Variants in PRKDC observed in about 807,000 individuals in gnomAD.
PRKDC encodes protein kinase, DNA-activated, catalytic subunit.
A neutral mutation model predicts 486.9 loss-of-function variants in PRKDC; 82 were observed. The ratio of observed to expected loss-of-function variants is 0.17; its 90% CI spans 0.14 to 0.20. The LOEUF (loss-of-function observed/expected upper bound fraction) is 0.20. Ranked by LOEUF, PRKDC falls within the 10% of genes least tolerant of loss-of-function variation. The pLI is 1.00. For missense variants in PRKDC, 4,504 were observed against 5,038.2 expected, an observed-to-expected ratio of 0.89 and a Z score of 3.21; for synonymous variants, 1,895 against 1,837.0, an observed-to-expected ratio of 1.03 and a Z score of -0.81.
Position 47,933,159 on chromosome 8 carries a change from G to A in PRKDC, c.1637C>T (p.Ala546Val). The part of the protein sequence containing the change: ...SSDQMMDSIL[A>V]DEAFFSVNSS... ...ATTCACAGAGAAAAATGCTTCATCT[G>A]CTAAAATAGAATCCTTTAAATAAAG... Residue 546 changes from alanine to valine, a missense_variant, in exon 16 of 86, where the codon GCA becomes GTA. Physicochemically the swap from Ala to Val is moderately conservative, Grantham distance 64. Transcript: ENST00000314191. The A allele has an allele frequency of 6.6e-7, 1 of 1,521,970 alleles. No individual in the cohort carries two copies. Among genetic ancestry groups the A allele is most frequent in the Non-Finnish European group, 8.8e-7 (1 of 1,137,270 alleles). 94.3% of individuals were successfully genotyped at this position (1,521,970 alleles called of 1,614,324 possible). A position where few individuals can be genotyped will look rare whatever the true frequency, so the allele number is the denominator to read the frequency against.
At chr8:47,941,068 T>C (rs2154504023) in intron 10 of PRKDC, among the ~76,000 whole-genome samples, 1 of 150,596 alleles carries the variant, frequency 6.6e-6, no homozygotes. Flanking sequence ...AGGCAGAGGT[T>C]GCAGTAACCC....
At chr8:47,852,168 T>C (rs1250237896) in intron 52 of PRKDC, among the ~76,000 whole-genome samples, 1 of 152,186 alleles carries the variant, frequency 6.6e-6, no homozygotes, top group Non-Finnish European at 1.5e-5. Context: ...TCAGTCCTCT[T>C]ATCTGAACAG....
intron 21 of PRKDC, among the ~76,000 whole-genome samples, chr8:47,920,906 C>G (rs1465365527): frequency 2.0e-5 from 3 of 152,110 alleles, no homozygotes; most frequent in African/African-American, 7.2e-5. Context: ...ATCACCACAT[C>G]CATCTCCAGA....
At chr8:47,889,523 T>C (rs1007958499) in intron 32 of PRKDC, among the ~76,000 whole-genome samples, 1 of 152,188 alleles carries the variant, frequency 6.6e-6, no homozygotes, top group Admixed American at 6.5e-5. Context: ...ATGGACAGGG[T>C]TTCCCCGCCC....
At position 47,905,092 on chromosome 8, in the gene PRKDC, G is replaced by A. The variant is rs186062687; in HGVS notation, c.2935-116C>T. The A allele has an allele frequency of 2.2e-5, 15 of 689,988 alleles. No individual in the cohort carries two copies. The East Asian group carries it at 4.3e-4, about 20-fold the overall frequency. The allele number at this position is 689,988 out of a possible 1,614,324, so 42.7% of individuals were successfully genotyped here. ...AAAATTAAGTAATACTACTACCATG[G>A]TTGTATTAGTTTCCTTTTTTAGTTC... On this transcript the variant is annotated intron_variant, in intron 25 of 85. Transcript: ENST00000314191.
At position 47,864,614 on chromosome 8, in the gene PRKDC, T is replaced by A; in HGVS notation, c.5513A>T (p.Glu1838Val). 1 of 1,610,228 alleles carries A rather than the reference T, an allele frequency of 6.2e-7. No homozygotes were observed. Among genetic ancestry groups the A allele is most frequent in the South Asian group, 1.1e-5 (1 of 90,204 alleles). Residue 1838 changes from glutamate (E) to valine (V), a missense_variant, in exon 41 of 86, where the codon GAA (glutamate) becomes GTA (valine). Coordinates refer to ENST00000314191, the MANE Select transcript of PRKDC (RefSeq NM_006904.7). ...LWHCSLDALR[E>V]FFSTIVVDAI... ...ATCCACCACAATTGTGCTGAAGAAT[T>A]CTCTCAAAGCATCCAGGCTACAGTG...
intron 69 of PRKDC, among the ~76,000 whole-genome samples, chr8:47,804,179 TTG>T (rs2087169154): frequency 6.6e-6 from 1 of 152,202 alleles, no homozygotes; most frequent in South Asian, 2.1e-4. Context: ...AGTGGTGATT[TTG>T]TGTCTCGCAT....
chr8:47,849,569 G>C, intron 52 of PRKDC, 66 bp from the exon 53 acceptor site: 1 of 1,544,712 alleles, frequency 6.5e-7, no homozygotes, highest in Non-Finnish European at 8.8e-7. Flanking sequence ...TGAAAGCAAA[G>C]TTTATCTTGA....
intron 71 of PRKDC, among the ~76,000 whole-genome samples, chr8:47,800,002 T>C (rs1329675421): frequency 6.6e-6 from 1 of 152,208 alleles, no homozygotes; most frequent in Non-Finnish European, 1.5e-5. Flanking sequence ...TTAAAATTCA[T>C]GATTTTTAAT....
chr8:47,952,265 C>T (rs1430190510), intron 7 of PRKDC, among the ~76,000 whole-genome samples: 1 of 152,046 alleles, frequency 6.6e-6, no homozygotes, highest in Non-Finnish European at 1.5e-5. Context: ...TAAATACACA[C>T]AGGAATATGA....
intron 16 of PRKDC, among the ~76,000 whole-genome samples, chr8:47,932,232 C>T (rs1208661895): frequency 3.9e-5 from 6 of 152,108 alleles, no homozygotes; most frequent in African/African-American, 9.7e-5. Context: ...TACAGGCGCC[C>T]GCCACCATGC....
At chr8:47,952,831 C>T (rs1179954942) in intron 7 of PRKDC, among the ~76,000 whole-genome samples, 1 of 151,604 alleles carries the variant, frequency 6.6e-6, no homozygotes, top group Non-Finnish European at 1.5e-5. Flanking sequence ...TGGTGAAACC[C>T]CATCTCTACT....
chr8:47,821,912 G>C, intron 64 of PRKDC, 120 bp from the exon 65 acceptor site: 1 of 969,156 alleles, frequency 1.0e-6, no homozygotes. Flanking sequence ...TTTACGGAAA[G>C]GAGAGAGAAA....
chr8:47,960,130 G>T lies in PRKDC; in HGVS notation c.-4C>A. On this transcript the variant is annotated 5_prime_UTR_variant, in exon 1 of 86. Coordinates refer to ENST00000314191, the MANE Select transcript of PRKDC (RefSeq NM_006904.7). Reference sequence around the variant, plus strand: ...CACCGGCTCCGGAGCCCGCCATGCCGCCGAGTCCCGCTCCCGCGCGTGCGC... The same window carrying T: ...CACCGGCTCCGGAGCCCGCCATGCCTCCGAGTCCCGCTCCCGCGCGTGCGC... The T allele has an allele frequency of 1.3e-6, 2 of 1,483,028 alleles. No individual in the cohort carries two copies. Among genetic ancestry groups the T allele is most frequent in the Non-Finnish European group, 1.8e-6 (2 of 1,118,146 alleles). 91.9% of individuals were successfully genotyped at this position (1,483,028 alleles called of 1,614,324 possible). A position where few individuals can be genotyped will look rare whatever the true frequency, so the allele number is the denominator to read the frequency against.
chr8:47,877,863 A>T lies in PRKDC; in HGVS notation c.5236-12T>A. 1 of 1,433,066 alleles carries T rather than the reference A, an allele frequency of 7.0e-7. No individual in the cohort carries two copies. The highest frequency in any genetic ancestry group is 9.2e-7 in the Non-Finnish European group (1 of 1,083,368). The allele number at this position is 1,433,066 out of a possible 1,614,324, so 88.8% of individuals were successfully genotyped here. ...AATGCATCTAGAAACTAGAAAAAAT[A>T]CATCAACATCATTAAAATTTTGTTG... On this transcript the variant is annotated splice_polypyrimidine_tract_variant and intron_variant, in intron 39 of 85. Transcript: ENST00000314191.
chr8:47,819,657 A>G, intron 66 of PRKDC, 147 bp from the exon 67 acceptor site: 2 of 433,578 alleles, frequency 4.6e-6, no homozygotes, highest in Non-Finnish European at 8.0e-6. Context: ...TAATAATTAG[A>G]TCACAGACAG....
chr8:47,834,395 A>T lies in PRKDC; in HGVS notation c.7953T>A (p.Asp2651Glu). The T allele has an allele frequency of 6.2e-7, 1 of 1,612,994 alleles. No individual in the cohort carries two copies. Among genetic ancestry groups the T allele is most frequent in the Non-Finnish European group, 8.5e-7 (1 of 1,179,712 alleles). ...QHDFTLTQTA[D>E]GRSSFDWLTG... The stretch of plus-strand genomic sequence containing the variant: ...TCAGCCAATCAAATGAGCTTCTTCC[A>T]TCTGTGACATGCAATCAGAGAGGTC... Residue 2651 changes from aspartate (D) to glutamate (E), a missense_variant and splice_region_variant, in exon 59 of 86, where the codon GAT becomes GAA. Asp to Glu is a conservative substitution (Grantham distance 45, BLOSUM62 2). This residue lies in a region of PRKDC where 1,592 missense variants were observed against 1,724.6 expected (regional missense o/e 0.92). Coordinates refer to ENST00000314191, the MANE Select transcript of PRKDC (RefSeq NM_006904.7).
intron 21 of PRKDC, among the ~76,000 whole-genome samples, chr8:47,922,922 A>G (rs921149791): frequency 4.6e-4 from 70 of 152,192 alleles, no homozygotes; most frequent in African/African-American, 1.6e-3. Flanking sequence ...ACATTAACAC[A>G]GGACAAATCT....
At chr8:47,959,099 C>A (rs1485283839) in intron 1 of PRKDC, 1 of 152,120 alleles carries the variant, frequency 6.6e-6, no homozygotes, top group Non-Finnish European at 1.5e-5. Context: ...CTAGACCCTC[C>A]GGAAGAAAAT....
Sources: gnomAD v4.1 joint callset for allele counts (sites outside exome capture counted in the v4.1 genomes callset) on GRCh38, gnomAD v4.1.1 for gene constraint, gnomAD v4.1.1 regional missense constraint, MANE v1.5 for transcripts, NCBI Gene and HGNC (gene_info 2026-07-23, HGNC 2026-07-21) for gene names.